SDK1: variants seen among roughly 807,000 people sequenced by gnomAD.
The protein encoded by SDK1 is protein sidekick-1.
In SDK1, 157 loss-of-function variants were observed where a neutral mutation model predicts 245.5. The ratio of observed to expected loss-of-function variants is 0.64; its 90% CI spans 0.56 to 0.73. The LOEUF is 0.73. SDK1 is among the 30% of genes least tolerant of loss of function. The pLI is 0.00. For missense variants in SDK1, 3,583 were observed against 3,002.3 expected (o/e 1.19, Z -4.52); for synonymous variants, 1,647 against 1,278.5 (o/e 1.29, Z -6.15).
intron 4 of SDK1, among the ~76,000 whole-genome samples, chr7:3,701,288 G>A (rs905087668): frequency 1.3e-5 from 2 of 152,196 alleles, no homozygotes; most frequent in Non-Finnish European, 2.9e-5. Context: ...AGAAATCAAA[G>A]TGCTAAATTT....
At chr7:4,001,113 G>A (rs1043840805) in intron 14 of SDK1, among the ~76,000 whole-genome samples, 7 of 152,172 alleles carry the variant, frequency 4.6e-5, no homozygotes, top group African/African-American at 7.2e-5. Context: ...AACTTCCTGC[G>A]TGGGAGTGCC....
chr7:4,200,659 G>T (rs1783833286), intron 35 of SDK1, among the ~76,000 whole-genome samples: 2 of 152,230 alleles, frequency 1.3e-5, no homozygotes, highest in Non-Finnish European at 2.9e-5. Context: ...CATGGCAGCT[G>T]GCTTCCTTAG....
intron 2 of SDK1, among the ~76,000 whole-genome samples, chr7:3,629,175 C>T (rs1782211054): frequency 6.6e-6 from 1 of 151,406 alleles, no homozygotes; most frequent in African/African-American, 2.4e-5. Flanking sequence ...GTGGCGGGCG[C>T]CTGTAGTCCC....
intron 44 of SDK1, among the ~76,000 whole-genome samples, chr7:4,261,678 T>C (rs1050186921): frequency 2.0e-5 from 3 of 152,302 alleles, no homozygotes; most frequent in South Asian, 2.1e-4. Flanking sequence ...GCTGCCTCGA[T>C]ACACAGCTGA....
intron 4 of SDK1, among the ~76,000 whole-genome samples, chr7:3,726,993 T>A (rs1380987925): frequency 6.6e-6 from 1 of 152,250 alleles, no homozygotes; most frequent in Non-Finnish European, 1.5e-5. Context: ...CCTGTCTTCC[T>A]GATAAATTGA....
chr7:3,481,593 C>G (rs994421440), intron 1 of SDK1, among the ~76,000 whole-genome samples: 1 of 152,178 alleles, frequency 6.6e-6, no homozygotes, highest in Non-Finnish European at 1.5e-5. Context: ...CTTGAACCAC[C>G]CTTCCTTCCC....
chr7:3,970,057 G>C (rs1260014642), intron 11 of SDK1, among the ~76,000 whole-genome samples: 6 of 152,170 alleles, frequency 3.9e-5, no homozygotes, highest in Non-Finnish European at 7.4e-5. Flanking sequence ...TGGACCAAAT[G>C]GTCCCCCATT....
At chr7:4,194,276 A>G (rs1340661237) in intron 35 of SDK1, among the ~76,000 whole-genome samples, 1 of 149,810 alleles carries the variant, frequency 6.7e-6, no homozygotes, top group African/African-American at 2.5e-5. Flanking sequence ...GTATACATGT[A>G]TAGATATATG....
chr7:3,402,147 A>G (rs1778905203), intron 1 of SDK1, among the ~76,000 whole-genome samples: 1 of 152,194 alleles, frequency 6.6e-6, no homozygotes, highest in East Asian at 1.9e-4. Flanking sequence ...AAATAAATGC[A>G]AAAAGAACTT....
intron 5 of SDK1, among the ~76,000 whole-genome samples, chr7:3,878,516 C>CA (rs1352960387): frequency 6.6e-6 from 1 of 151,570 alleles, no homozygotes; most frequent in Non-Finnish European, 1.5e-5. Context: ...GACTCTGTCT[C>CA]AAAAAAATAA....
chr7:3,753,800 A>G (rs978990362), intron 4 of SDK1, among the ~76,000 whole-genome samples: 4 of 152,196 alleles, frequency 2.6e-5, no homozygotes, highest in African/African-American at 9.7e-5. Flanking sequence ...AATACATTTT[A>G]AAAGGCATGT....
chr7:3,540,099 C>T (rs151075242), intron 1 of SDK1, among the ~76,000 whole-genome samples: 11 of 152,316 alleles, frequency 7.2e-5, no homozygotes, highest in African/African-American at 2.6e-4. Context: ...TCATTGTCCT[C>T]TCTGGTAAAC....
intron 17 of SDK1, among the ~76,000 whole-genome samples, chr7:4,037,902 T>C (rs1248313399): frequency 1.3e-5 from 2 of 151,470 alleles, no homozygotes; most frequent in Admixed American, 1.3e-4. Flanking sequence ...AACTTATAAT[T>C]TTTTTCTCTA....
chr7:4,212,417 G>GAA (rs138931513), intron 38 of SDK1, among the ~76,000 whole-genome samples: 1 of 149,286 alleles, frequency 6.7e-6, no homozygotes, highest in Non-Finnish European at 1.5e-5. Flanking sequence ...ATCCGAGAAA[G>GAA]AAAAAAAAAA....
At chr7:3,965,888 G>T (rs1325449745) in intron 9 of SDK1, among the ~76,000 whole-genome samples, 5 of 151,990 alleles carry the variant, frequency 3.3e-5, no homozygotes, top group African/African-American at 1.2e-4. Context: ...GACATCAGGT[G>T]CCTTGGAGGA....
At chr7:3,473,711 T>G (rs1435026005) in intron 1 of SDK1, among the ~76,000 whole-genome samples, 2 of 152,198 alleles carry the variant, frequency 1.3e-5, no homozygotes, top group African/African-American at 2.4e-5. Flanking sequence ...TCTAGTTACC[T>G]TCCTTCTACT....
chr7:3,578,319 C>G (rs1780366959), intron 1 of SDK1, among the ~76,000 whole-genome samples: 1 of 151,974 alleles, frequency 6.6e-6, no homozygotes, highest in African/African-American at 2.4e-5. Context: ...GAGTAGGTCA[C>G]AAAGATCACA....
At chr7:3,639,245 C>G (rs1782569813) in intron 3 of SDK1, 135 bp downstream of exon 3, 2 of 479,170 alleles carry the variant, frequency 4.2e-6, no homozygotes, top group Non-Finnish European at 3.7e-6. Flanking sequence ...AATTGCAAAA[C>G]TCAGTGAGAG....
intron 32 of SDK1, among the ~76,000 whole-genome samples, chr7:4,168,893 C>T (rs1285875528): frequency 1.3e-5 from 2 of 152,166 alleles, no homozygotes; most frequent in Non-Finnish European, 2.9e-5. Context: ...ATCTTCACTG[C>T]CCAGACTCCA....
Sources: allele counts gnomAD v4.1 joint callset (sites outside exome capture counted in the v4.1 genomes callset), GRCh38; gene constraint gnomAD v4.1.1; transcripts MANE v1.5; gene names NCBI Gene and HGNC (gene_info 2026-07-23, HGNC 2026-07-21).